The following ZNF280D variants were observed in gnomAD, a reference collection of about 807,000 sequenced individuals.
ZNF280D encodes suppressor of hairy wing homolog 4.
Under a neutral mutation model 94.7 loss-of-function variants are expected in ZNF280D, and 39 were observed. The observed-to-expected ratio is 0.41, with a 90% CI of 0.32 to 0.54. ZNF280D has a LOEUF of 0.54. Among genes scored for constraint, ZNF280D ranks in the 20% least tolerant of loss-of-function variants. The pLI, the probability that ZNF280D is intolerant of heterozygous loss-of-function variation, is 0.22. For synonymous variants in ZNF280D, 398 were observed against 377.6 expected (o/e 1.05, Z -0.63); for missense variants, 1,090 against 1,149.3 (o/e 0.95, Z 0.75).
At chr15:56,701,425 G>C (rs1205375020) in intron 4 of ZNF280D, among the ~76,000 whole-genome samples, 187 bp from the exon 5 acceptor site, 1 of 151,900 alleles carries the variant, frequency 6.6e-6, no homozygotes, top group African/African-American at 2.4e-5. Context: ...AAAGAAACAA[G>C]ATAACTAGGT....
At chr15:56,679,134 G>T (rs2055447134) in intron 10 of ZNF280D, among the ~76,000 whole-genome samples, 1 of 151,928 alleles carries the variant, frequency 6.6e-6, no homozygotes, top group Non-Finnish European at 1.5e-5. Context: ...ACAGGCTTCT[G>T]ATCCATACTT....
chr15:56,631,761 T>A lies in ZNF280D; in HGVS notation c.2677A>T (p.Ile893Phe), dbSNP rs759807322. ...TGTCTTTTTCTCAAAAACTGATCAA[T>A]GCTTACATTATCTGATGCTAATCGC... Reference protein sequence around the residue: ...DLRLASDNVSIDQFLRKRHEP... With the variant: ...DLRLASDNVSFDQFLRKRHEP... Residue 893 changes from isoleucine (I) to phenylalanine (F), a missense_variant, in exon 22 of 22, where the codon ATT becomes TTT. By Grantham distance (21) the Ile-to-Phe change is conservative (BLOSUM62 0). Transcript: ENST00000267807. 1 of 1,614,198 alleles carries A rather than the reference T, an allele frequency of 6.2e-7. No individual in the cohort carries two copies. Among genetic ancestry groups the A allele is most frequent in the Non-Finnish European group, 8.5e-7 (1 of 1,180,026 alleles).
intron 7 of ZNF280D, among the ~76,000 whole-genome samples, chr15:56,690,228 A>G (rs1414106875): frequency 6.6e-6 from 1 of 152,054 alleles, no homozygotes; most frequent in African/African-American, 2.4e-5. Context: ...TAAAAATACA[A>G]AAAATTAGCC....
At chr15:56,722,172 A>C (rs115172981) in intron 1 of ZNF280D, among the ~76,000 whole-genome samples, 1,646 of 152,318 alleles carry the variant, frequency 0.011, 36 homozygotes, top group African/African-American at 0.038. Flanking sequence ...ACATGAGTGC[A>C]GTTTGCAGTG....
rs978882229 is a variant in ZNF280D, at chr15:56,630,422, A to T, written c.*1076T>A. ...TTCTAGATGATAAAAAGAACTGAAA[A>T]ATCAATTTAGCAGCCATCTTATAGA... On this transcript the variant is annotated 3_prime_UTR_variant, in exon 22 of 22. Transcript: ENST00000267807. The T allele has an allele frequency of 2.0e-5, 3 of 152,270 alleles. No homozygotes were observed. The South Asian group carries it at 6.2e-4, about 31-fold the overall frequency. The allele number at this position is 152,270 out of a possible 1,614,324, so 9.4% of individuals were successfully genotyped here.
In ZNF280D at chr15:56,672,492, A is replaced by C. The variant is rs2054936761; in HGVS notation, c.1411-3535T>G. ...TGATGAGTCACATTTATTGATTTGC[A>C]TATGTCGAACCAACCTTCCAACCTA... On this transcript the variant is annotated intron_variant, in intron 13 of 21. Coordinates refer to ENST00000267807, the MANE Select transcript of ZNF280D (RefSeq NM_017661.4). 2.0e-5 allele frequency among the ~76,000 whole-genome samples: 3 copies of C among 152,054 alleles called. No individual in the cohort carries two copies. The South Asian group carries it at 6.2e-4, about 31-fold the overall frequency.
chr15:56,707,053 T>C (rs1307291947), intron 3 of ZNF280D, 29 bp downstream of exon 3: 1 of 1,605,550 alleles, frequency 6.2e-7, no homozygotes, highest in Non-Finnish European at 8.5e-7. Context: ...GCCACATATA[T>C]TAGTATTAGT....
chr15:56,669,454 T>G (rs1406256234), intron 13 of ZNF280D, among the ~76,000 whole-genome samples: 1 of 151,832 alleles, frequency 6.6e-6, no homozygotes, highest in East Asian at 1.9e-4. Flanking sequence ...CAATAATATC[T>G]CCTATGATAA....
Position 56,678,808 on chromosome 15 carries a change from T to G in ZNF280D, c.1018A>C (p.Met340Leu), listed in dbSNP as rs751020852. The change falls in exon 11 of 22, where the codon ATG becomes CTG. Residue 340 changes from methionine (M) to leucine (L), a missense_variant. Physicochemically the swap from Met to Leu is conservative, Grantham distance 15. This residue lies in a region of ZNF280D where 127 missense variants were observed against 208.6 expected (regional missense o/e 0.61). Coordinates refer to ENST00000267807, the MANE Select transcript of ZNF280D (RefSeq NM_017661.4). Reference sequence around the variant, plus strand: ...TTCTCAAGTTCCAAATGGTGTTTCATGTGGTTCATAAACCTATAAATGGTT... The same window carrying G: ...TTCTCAAGTTCCAAATGGTGTTTCAGGTGGTTCATAAACCTATAAATGGTT... ...LKNNIRFMNH[M>L]KHHLELEKQS... 8.7e-6 allele frequency: 14 copies of G among 1,607,434 alleles called. No individual in the cohort carries two copies. The highest frequency in any genetic ancestry group is 1.2e-5 in the Non-Finnish European group (14 of 1,177,178).
chr15:56,705,837 G>A (rs1230041186), intron 3 of ZNF280D, among the ~76,000 whole-genome samples: 1 of 151,656 alleles, frequency 6.6e-6, no homozygotes, highest in Non-Finnish European at 1.5e-5. Flanking sequence ...ACATTAGAGG[G>A]GCAGTAGGCA....
intron 20 of ZNF280D, among the ~76,000 whole-genome samples, chr15:56,642,114 T>C (rs192276085): frequency 6.6e-6 from 1 of 151,564 alleles, no homozygotes; most frequent in Non-Finnish European, 1.5e-5. Context: ...TTAGGTAAAA[T>C]GAACCCATTC....
At position 56,689,432 on chromosome 15, in the gene ZNF280D, T is replaced by G; in HGVS notation, c.538A>C (p.Thr180Pro). ...ESSFLSKRPS[T>P]SEVNNVNPKK... is the part of the protein sequence containing the mutation. ...GGATTAACATTATTTACTTCAGAAG[T>G]AGAAGGACGTTTTGATAAAAATGAA... Residue 180 changes from threonine to proline, a missense_variant, in exon 8 of 22, where the codon ACT becomes CCT. Transcript: ENST00000267807. The G allele has an allele frequency of 6.4e-7, 1 of 1,573,152 alleles. No individual in the cohort carries two copies. The highest frequency in any genetic ancestry group is 8.6e-7 in the Non-Finnish European group (1 of 1,161,670).
At chr15:56,713,173 T>C (rs892219848) in intron 1 of ZNF280D, among the ~76,000 whole-genome samples, 21 of 152,172 alleles carry the variant, frequency 1.4e-4, no homozygotes, top group Admixed American at 7.2e-4. Context: ...TAATTGGGGA[T>C]TGCATTACTA....
At chr15:56,710,157 C>G (rs1412331592) in intron 1 of ZNF280D, among the ~76,000 whole-genome samples, 1 of 152,208 alleles carries the variant, frequency 6.6e-6, no homozygotes, top group African/African-American at 2.4e-5. Flanking sequence ...AATCCCAACA[C>G]TTTGGGAGGC....
intron 16 of ZNF280D, 84 bp from the exon 17 acceptor site, chr15:56,658,570 G>A (rs2053702279): frequency 1.1e-6 from 1 of 920,294 alleles, no homozygotes; most frequent in African/African-American, 1.8e-5. Context: ...CCATACTTAA[G>A]TTTCTAGTTT....
intron 20 of ZNF280D, chr15:56,635,821 C>A (rs969196596): frequency 1.3e-5 from 2 of 152,170 alleles, no homozygotes; most frequent in Non-Finnish European, 1.5e-5. Context: ...ATAGGCCAAC[C>A]TAACAGCTTG....
In ZNF280D at chr15:56,666,428, C is replaced by G; in HGVS notation, c.1961G>C (p.Ser654Thr). ...ATGATTTACATAGGCTTTGCTACAG[C>G]TAGTGTTGTATCTGCAAAAACTACA... ...VHCSFCRYNT[S>T]CSKAYVNHMM... Residue 654 changes from serine to threonine, a missense_variant, in exon 16 of 22, where the codon AGC becomes ACC. Physicochemically the swap from Ser to Thr is moderately conservative, Grantham distance 58. This residue lies in a region of ZNF280D where 577 missense variants were observed against 568.8 expected (regional missense o/e 1.01). Transcript: ENST00000267807. 6.2e-7 allele frequency: 1 copy of G among 1,607,122 alleles called. No homozygotes were observed. The highest frequency in any genetic ancestry group is 8.5e-7 in the Non-Finnish European group (1 of 1,177,984).
intron 13 of ZNF280D, among the ~76,000 whole-genome samples, chr15:56,669,888 T>TATA (rs371784062): frequency 4.6e-3 from 22 of 4,764 alleles, no homozygotes; most frequent in Non-Finnish European, 9.3e-3. Context: ...TATATATATA[T>TATA]TATATATATA....
intron 1 of ZNF280D, chr15:56,724,994 G>C (rs2058563055): frequency 2.7e-6 from 1 of 373,592 alleles, no homozygotes; most frequent in African/African-American, 2.1e-5. Flanking sequence ...CTTAAACCTT[G>C]AATAGGAAAA....
Sources: gnomAD v4.1 joint callset for allele counts (sites outside exome capture counted in the v4.1 genomes callset) on GRCh38, gnomAD v4.1.1 for gene constraint, gnomAD v4.1.1 regional missense constraint, MANE v1.5 for transcripts, NCBI Gene and HGNC (gene_info 2026-07-23, HGNC 2026-07-21) for gene names.